Variants in IL20RA observed in about 807,000 individuals in gnomAD.
The protein encoded by IL20RA is interleukin 20 receptor subunit alpha, also known as interleukin-20 receptor subunit alpha.
In IL20RA, 29 loss-of-function variants were observed where a neutral mutation model predicts 36.5. The ratio of observed to expected loss-of-function variants is 0.79; its 90% CI spans 0.59 to 1.08. The LOEUF (loss-of-function observed/expected upper bound fraction) is 1.08, where lower values mean the gene tolerates loss of function less well. IL20RA is among the 50% of genes least tolerant of loss of function. The pLI, the probability that IL20RA is intolerant of heterozygous loss-of-function variation, is 0.00. For missense variants in IL20RA, 652 were observed against 668.4 expected (o/e 0.98, Z 0.27); for synonymous variants, 279 against 267.1 (o/e 1.04, Z -0.43).
intron 1 of IL20RA, among the ~76,000 whole-genome samples, chr6:137,037,705 T>C (rs1776536989): frequency 6.6e-6 from 1 of 152,104 alleles, no homozygotes; most frequent in Non-Finnish European, 1.5e-5. Context: ...CCCGAGATAT[T>C]GCAAACAAAC....
rs188158787 is a variant in IL20RA at position 137,029,758 on chromosome 6, C to T, written c.89-12655G>A. ...TGAAAAGAATAGCTGTTGGAAACTCCAAGTTCAACCAGTAACTATTTCTTA... is the reference window on the plus strand; with the variant it reads ...TGAAAAGAATAGCTGTTGGAAACTCTAAGTTCAACCAGTAACTATTTCTTA... On this transcript the variant is annotated intron_variant, in intron 1 of 6. Transcript: ENST00000316649. Among the ~76,000 whole-genome samples the T allele has an allele frequency of 3.0e-3, 453 of 152,196 alleles. 2 individuals carry two copies. The highest frequency in any genetic ancestry group is 0.01 in the African/African-American group (426 of 41,542).
rs911024786 is a variant in IL20RA at position 137,001,318 on chromosome 6, T to G, written c.*240A>C. On this transcript the variant is annotated 3_prime_UTR_variant, in exon 7 of 7. Transcript: ENST00000316649. The stretch of plus-strand genomic sequence containing the variant: ...TCTGGCAAACATTTATTGACTGCTT[T>G]CTCTGCATAGAACAACCGGCCAGCC... 1 of 382,062 alleles carries G rather than the reference T, an allele frequency of 2.6e-6. No individual in the cohort carries two copies. Among genetic ancestry groups the G allele is most frequent in the Non-Finnish European group, 4.7e-6 (1 of 214,348 alleles). The allele number at this position is 382,062 out of a possible 1,614,324, so 23.7% of individuals were successfully genotyped here.
At chr6:137,035,277 C>A (rs1439361768) in intron 1 of IL20RA, among the ~76,000 whole-genome samples, 1 of 152,092 alleles carries the variant, frequency 6.6e-6, no homozygotes, top group Non-Finnish European at 1.5e-5. Context: ...TTCTGATTCA[C>A]CTTTTATCCT....
At chr6:137,032,068 A>G (rs1034424441) in intron 1 of IL20RA, among the ~76,000 whole-genome samples, 17 of 150,988 alleles carry the variant, frequency 1.1e-4, no homozygotes, top group African/African-American at 3.4e-4. Context: ...AAAAAAAAAA[A>G]AAAGAAAAGA....
At chr6:137,013,730 T>G (rs1775573477) in intron 2 of IL20RA, among the ~76,000 whole-genome samples, 1 of 152,200 alleles carries the variant, frequency 6.6e-6, no homozygotes, top group Admixed American at 6.5e-5. Context: ...CTCAAAAGTA[T>G]AAAAGTATAA....
intron 1 of IL20RA, chr6:137,038,192 T>C (rs1297423886): frequency 6.6e-6 from 1 of 151,146 alleles, no homozygotes; most frequent in Non-Finnish European, 1.5e-5. Context: ...CTTTCTATAG[T>C]TCTTTTGTTC....
chr6:137,014,210 AT>A (rs34396422), intron 2 of IL20RA, among the ~76,000 whole-genome samples: 1 of 151,718 alleles, frequency 6.6e-6, no homozygotes, highest in Non-Finnish European at 1.5e-5. Context: ...AGTTATCTGA[AT>A]TTTTTTTTCA....
At chr6:137,032,755 T>C (rs1004152980) in intron 1 of IL20RA, among the ~76,000 whole-genome samples, 2 of 152,180 alleles carry the variant, frequency 1.3e-5, no homozygotes, top group African/African-American at 4.8e-5. Flanking sequence ...TCGGTAGCCA[T>C]CAAGAACACT....
intron 1 of IL20RA, among the ~76,000 whole-genome samples, chr6:137,027,634 A>G (rs138647808): frequency 6.6e-6 from 1 of 152,340 alleles, no homozygotes; most frequent in East Asian, 1.9e-4. Flanking sequence ...GCTTGTTGCA[A>G]TGATTAAGAT....
intron 1 of IL20RA, among the ~76,000 whole-genome samples, chr6:137,030,300 G>A (rs117880140): frequency 3.7e-3 from 559 of 151,928 alleles, no homozygotes; most frequent in Middle Eastern, 0.034. Flanking sequence ...TGCCCAAGCT[G>A]GTCTCAAACT....
chr6:137,001,807 C>T lies in IL20RA; in HGVS notation c.1413G>A (p.Pro471=), dbSNP rs564258970. ...CCAGGGTCGTCGATGGCTCTTCCTCCGGCCCCTCCTCCGAGTCTGTGTGCT... is the reference window on the plus strand; with the variant it reads ...CCAGGGTCGTCGATGGCTCTTCCTCTGGCCCCTCCTCCGAGTCTGTGTGCT... The part of the protein sequence containing the change: ...AQEHTDSEEG[P]EEEPSTTLVD... Residue 471 remains proline (P), a synonymous_variant, in exon 7 of 7, where the codon CCG becomes CCA. Coordinates refer to ENST00000316649, the MANE Select transcript of IL20RA (RefSeq NM_014432.4). 2.9e-5 allele frequency: 47 copies of T among 1,613,288 alleles called. 2 individuals carry two copies. In the South Asian group the frequency reaches 4.1e-4, roughly 14 times the overall value.
At chr6:137,040,483 G>A (rs1373052847) in intron 1 of IL20RA, among the ~76,000 whole-genome samples, 1 of 152,058 alleles carries the variant, frequency 6.6e-6, no homozygotes, top group Non-Finnish European at 1.5e-5. Context: ...CCAGGCCTGG[G>A]GCAGGGAAAA....
At chr6:137,034,641 T>TA (rs1341864373) in intron 1 of IL20RA, among the ~76,000 whole-genome samples, 2 of 152,042 alleles carry the variant, frequency 1.3e-5, no homozygotes, top group African/African-American at 2.4e-5. Context: ...AGCTCCCACT[T>TA]AAGAGTGAGA....
rs1379833466 is a variant in IL20RA at position 137,019,131 on chromosome 6, T to G, written c.89-2028A>C. Among the ~76,000 whole-genome samples the G allele has an allele frequency of 0.023, 369 of 15,728 alleles. No homozygotes were observed. In the Non-Finnish European group the frequency reaches 0.49, roughly 21 times the overall value. 10.3% of individuals were successfully genotyped at this position (15,728 alleles called of 152,430 possible). On this transcript the variant is annotated intron_variant, in intron 1 of 6. Coordinates refer to ENST00000316649, the MANE Select transcript of IL20RA (RefSeq NM_014432.4). ...TCTACAACACTGTATTCTATTTATCTTTTTTTTTTTTTTGAGACAGAGTCT... is the reference window on the plus strand; with the variant it reads ...TCTACAACACTGTATTCTATTTATCGTTTTTTTTTTTTTGAGACAGAGTCT...
intron 3 of IL20RA, among the ~76,000 whole-genome samples, chr6:137,010,254 G>A (rs915197145): frequency 6.6e-6 from 1 of 152,182 alleles, no homozygotes; most frequent in Admixed American, 6.5e-5. Flanking sequence ...TTCAGGCATC[G>A]CAGGCCATAT....
chr6:137,004,810 T>C, intron 5 of IL20RA, 50 bp from the exon 6 acceptor site: 2 of 1,532,546 alleles, frequency 1.3e-6, no homozygotes, highest in Non-Finnish European at 1.8e-6. Context: ...GATTAGATAG[T>C]TGTGATTTGA....
intron 1 of IL20RA, among the ~76,000 whole-genome samples, chr6:137,017,379 T>C (rs1775737743): frequency 1.3e-5 from 2 of 152,162 alleles, no homozygotes; most frequent in South Asian, 4.1e-4. Flanking sequence ...GAGGCTCAGT[T>C]GTCCTGGTGT....
In IL20RA at chr6:137,003,317, T is replaced by A. The variant is rs558007739; in HGVS notation, c.865-962A>T. Reference sequence around the variant, plus strand: ...ATCATGTACACGTGAACACATCTTTTAATAGTTCTCAAGAAAATGGTTTTG... The same window carrying A: ...ATCATGTACACGTGAACACATCTTTAAATAGTTCTCAAGAAAATGGTTTTG... On this transcript the variant is annotated intron_variant, in intron 6 of 6. Transcript: ENST00000316649. Among the ~76,000 whole-genome samples the A allele has an allele frequency of 3.3e-5, 5 of 152,330 alleles. No homozygotes were observed. In the South Asian group the frequency reaches 1.0e-3, roughly 32 times the overall value.
chr6:137,004,159 C>CGTTTTTTTTTTTTTTTTTTTTTTTTTT lies in IL20RA; in HGVS notation c.864+461_864+462insAAAAAAAAAAAAAAAAAAAAAAAAAAC, dbSNP rs531501235. Among the ~76,000 whole-genome samples the CGTTTTTTTTTTTTTTTTTTTTTTTTTT allele has an allele frequency of 2.2e-4, 19 of 88,016 alleles. 9 individuals carry two copies. Among genetic ancestry groups the CGTTTTTTTTTTTTTTTTTTTTTTTTTT allele is most frequent in the Non-Finnish European group, 1.6e-4 (8 of 49,124 alleles). 57.7% of individuals were successfully genotyped at this position (88,016 alleles called of 152,430 possible). On this transcript the variant is annotated intron_variant, in intron 6 of 6. Transcript: ENST00000316649. ...TCTGTTAGTCAGCTAATCCAGAAAGCTTTTTTTTTTTTTTTTTTTTTTTTT... is the reference window on the plus strand; with the variant it reads ...TCTGTTAGTCAGCTAATCCAGAAAGCGTTTTTTTTTTTTTTTTTTTTTTTTTTTTTTTTTTTTTTTTTTTTTTTTTTT...
Sources: gnomAD v4.1 joint callset for allele counts (sites outside exome capture counted in the v4.1 genomes callset) on GRCh38, gnomAD v4.1.1 for gene constraint, MANE v1.5 for transcripts, NCBI Gene and HGNC (gene_info 2026-07-23, HGNC 2026-07-21) for gene names.